Variants in FERMT2 observed in about 807,000 individuals in gnomAD.
The protein encoded by FERMT2 is fermitin family homolog 2.
Under a neutral mutation model 82.7 loss-of-function variants are expected in FERMT2, and 15 were observed. The observed-to-expected ratio is 0.18, with a 90% CI of 0.12 to 0.28. The LOEUF (loss-of-function observed/expected upper bound fraction) is 0.28. Among genes scored for constraint, FERMT2 ranks in the 10% least tolerant of loss-of-function variants. FERMT2 has a pLI of 1.00. For synonymous variants in FERMT2, 274 were observed against 271.5 expected, an observed-to-expected ratio of 1.01 and a Z score of -0.09; for missense variants, 645 against 809.4, an observed-to-expected ratio of 0.80 and a Z score of 2.46.
intron 3 of FERMT2, among the ~76,000 whole-genome samples, 157 bp from the exon 4 acceptor site, chr14:52,893,584 T>C (rs896987154): frequency 6.6e-6 from 1 of 152,192 alleles, no homozygotes; most frequent in Non-Finnish European, 1.5e-5. Flanking sequence ...TTATGACACT[T>C]AAACTACCCA....
intron 3 of FERMT2, among the ~76,000 whole-genome samples, chr14:52,910,494 A>T (rs1157943882): frequency 6.6e-6 from 1 of 151,936 alleles, no homozygotes. Flanking sequence ...AATACGTTAC[A>T]TTAAAAAAAA....
At chr14:52,950,824 T>C in intron 1 of FERMT2, 97 bp downstream of exon 1, 1 of 338,094 alleles carries the variant, frequency 3.0e-6, no homozygotes, top group Non-Finnish European at 5.3e-6. Flanking sequence ...GCGGAGGGCT[T>C]CACCTGCCGG....
intron 10 of FERMT2, among the ~76,000 whole-genome samples, chr14:52,867,089 C>G (rs1885329363): frequency 6.6e-6 from 1 of 151,368 alleles, no homozygotes; most frequent in Non-Finnish European, 1.5e-5. Context: ...CATTAAAAAG[C>G]TTTGCCTCCT....
intron 2 of FERMT2, among the ~76,000 whole-genome samples, chr14:52,934,372 T>C (rs1412296196): frequency 3.9e-5 from 6 of 152,246 alleles, no homozygotes; most frequent in Non-Finnish European, 2.9e-5. Flanking sequence ...GTGTTACTTT[T>C]CTTTGTGAAA....
At chr14:52,936,789 T>C (rs969823116) in intron 2 of FERMT2, among the ~76,000 whole-genome samples, 2 of 152,200 alleles carry the variant, frequency 1.3e-5, no homozygotes, top group Non-Finnish European at 1.5e-5. Flanking sequence ...TAGGTTCCAG[T>C]TGCCCAGTAC....
At chr14:52,903,098 T>C (rs753429760) in intron 3 of FERMT2, among the ~76,000 whole-genome samples, 5 of 151,646 alleles carry the variant, frequency 3.3e-5, no homozygotes, top group South Asian at 4.2e-4. Flanking sequence ...TGGTCAGAAG[T>C]CTCCATCACA....
At chr14:52,920,650 G>C (rs1034009400) in intron 2 of FERMT2, among the ~76,000 whole-genome samples, 1 of 151,418 alleles carries the variant, frequency 6.6e-6, no homozygotes, top group Non-Finnish European at 1.5e-5. Flanking sequence ...ACAACTTCCA[G>C]GGGAAGGAAA....
intron 10 of FERMT2, among the ~76,000 whole-genome samples, chr14:52,866,436 G>A (rs1885284083): frequency 6.6e-6 from 1 of 152,122 alleles, no homozygotes; most frequent in South Asian, 2.1e-4. Context: ...CAACCAGCCT[G>A]GACCACATTC....
intron 3 of FERMT2, among the ~76,000 whole-genome samples, chr14:52,908,208 G>T (rs1215554760): frequency 1.3e-5 from 2 of 152,158 alleles, no homozygotes; most frequent in Non-Finnish European, 2.9e-5. Flanking sequence ...AGAGCAACTG[G>T]AACTCTCAAG....
At position 52,902,115 on chromosome 14, in the gene FERMT2, G is replaced by A. The variant is rs553676883; in HGVS notation, c.392-8688C>T. Among the ~76,000 whole-genome samples the A allele has an allele frequency of 5.3e-5, 8 of 152,258 alleles. No homozygotes were observed. The East Asian group carries it at 9.6e-4, about 18-fold the overall frequency. On this transcript the variant is annotated intron_variant, in intron 3 of 14. Coordinates refer to ENST00000341590, the MANE Select transcript of FERMT2 (RefSeq NM_006832.3). ...ATAATATAAAAAACAATGAGAGGCC[G>A]GGCACGGTGGCTTACGCCTGTAATC...
chr14:52,897,806 G>A (rs1204981231), intron 3 of FERMT2, among the ~76,000 whole-genome samples: 2 of 151,766 alleles, frequency 1.3e-5, no homozygotes, highest in African/African-American at 2.4e-5. Flanking sequence ...GTGAAACCCC[G>A]TCTCTACTAA....
chr14:52,902,121 G>A (rs775090437), intron 3 of FERMT2, among the ~76,000 whole-genome samples: 2 of 152,186 alleles, frequency 1.3e-5, no homozygotes, highest in Non-Finnish European at 2.9e-5. Context: ...GGCCGGGCAC[G>A]GTGGCTTACG....
intron 4 of FERMT2, among the ~76,000 whole-genome samples, chr14:52,885,044 G>A (rs1886513806): frequency 1.3e-5 from 2 of 151,706 alleles, no homozygotes; most frequent in African/African-American, 4.8e-5. Flanking sequence ...CAGGTGCGGT[G>A]GCTCATGCCT....
chr14:52,880,975 A>G, intron 6 of FERMT2, 61 bp downstream of exon 6: 2 of 1,038,830 alleles, frequency 1.9e-6, no homozygotes, highest in Non-Finnish European at 2.9e-6. Context: ...AAAAACAAAC[A>G]TCCATGTGAA....
chr14:52,882,789 A>AGTAAAG (rs1555367914), intron 4 of FERMT2, among the ~76,000 whole-genome samples: 2 of 151,142 alleles, frequency 1.3e-5, no homozygotes, highest in Non-Finnish European at 3.0e-5. Context: ...TAGTCTAGGA[A>AGTAAAG]GCAAAGTTAA....
chr14:52,912,109 C>T (rs1888350956), intron 3 of FERMT2, among the ~76,000 whole-genome samples: 1 of 152,020 alleles, frequency 6.6e-6, no homozygotes, highest in South Asian at 2.1e-4. Flanking sequence ...TATCTATTCA[C>T]ACATGTCAAG....
In FERMT2 at chr14:52,858,106, C is replaced by T; in HGVS notation, c.*271G>A. ...GTTTGGCTAGCTTAAATCAGTAAATCAGTGATGGTTTGTTCCTGATTTGCC... is the reference window on the plus strand; with the variant it reads ...GTTTGGCTAGCTTAAATCAGTAAATTAGTGATGGTTTGTTCCTGATTTGCC... On this transcript the variant is annotated 3_prime_UTR_variant, in exon 15 of 15. Coordinates refer to ENST00000341590, the MANE Select transcript of FERMT2 (RefSeq NM_006832.3). The T allele has an allele frequency of 5.2e-6, 2 of 387,166 alleles. 1 individual carries two copies. The highest frequency in any genetic ancestry group is 8.2e-5 in the South Asian group (2 of 24,348). The allele number at this position is 387,166 out of a possible 1,614,324, so 24.0% of individuals were successfully genotyped here.
chr14:52,866,665 C>G (rs1192749259), intron 10 of FERMT2, among the ~76,000 whole-genome samples: 1 of 152,130 alleles, frequency 6.6e-6, no homozygotes, highest in East Asian at 1.9e-4. Context: ...TCCTTCTGTG[C>G]TTATACAGAC....
intron 1 of FERMT2, 133 bp from the exon 2 acceptor site, chr14:52,950,710 G>T: frequency 1.2e-6 from 1 of 844,956 alleles, no homozygotes; most frequent in Non-Finnish European, 1.8e-6. Context: ...AACTCGGGAG[G>T]GCGGCGGCGG....
Sources: allele counts gnomAD v4.1 joint callset (sites outside exome capture counted in the v4.1 genomes callset), GRCh38; gene constraint gnomAD v4.1.1; transcripts MANE v1.5; gene names NCBI Gene and HGNC (gene_info 2026-07-23, HGNC 2026-07-21).